CNKSR2: variants seen among roughly 807,000 people sequenced by gnomAD.
CNKSR2 encodes the protein CNK homolog protein 2.
A neutral mutation model predicts 84.4 loss-of-function variants in CNKSR2; 14 were observed. The ratio of observed to expected loss-of-function variants is 0.17; its 90% CI spans 0.11 to 0.26. The LOEUF is 0.26. CNKSR2 is among the 10% of genes least tolerant of loss of function. CNKSR2 has a pLI of 1.00. For synonymous variants in CNKSR2, 275 were observed against 277.9 expected (o/e 0.99, Z 0.10); for missense variants, 485 against 771.2 (o/e 0.63, Z 4.40).
chrX:21,536,444 T>C (rs1257905693), intron 11 of CNKSR2, among the ~76,000 whole-genome samples: 2 of 111,284 alleles, frequency 1.8e-5, no homozygotes, highest in Non-Finnish European at 3.8e-5. Flanking sequence ...GTATAAGTTA[T>C]TCTTTAAAAG....
intron 5 of CNKSR2, among the ~76,000 whole-genome samples, chrX:21,478,856 A>G (rs1211943314): frequency 8.9e-6 from 1 of 111,792 alleles, no homozygotes; most frequent in African/African-American, 3.3e-5. Context: ...TAAAGCGATA[A>G]ATTGAAGAAC....
intron 13 of CNKSR2, among the ~76,000 whole-genome samples, chrX:21,583,931 A>C (rs1324891530): frequency 8.9e-6 from 1 of 111,992 alleles, no homozygotes; most frequent in Non-Finnish European, 1.9e-5. Context: ...GCCAAACAGA[A>C]TACTGTTGCA....
At chrX:21,387,876 A>G (rs2089992692) in intron 1 of CNKSR2, among the ~76,000 whole-genome samples, 1 of 111,731 alleles carries the variant, frequency 9.0e-6, no homozygotes, top group Non-Finnish European at 1.9e-5. Context: ...TGACTATACA[A>G]GAAGAAAATA....
intron 7 of CNKSR2, among the ~76,000 whole-genome samples, chrX:21,498,511 C>A (rs190082982): frequency 2.7e-4 from 30 of 112,077 alleles, no homozygotes; most frequent in African/African-American, 7.8e-4. Context: ...ATCTTAATGG[C>A]AGTGTAATTT....
intron 8 of CNKSR2, chrX:21,504,990 C>G (rs918104697): frequency 3.6e-6 from 1 of 279,398 alleles, no homozygotes; most frequent in African/African-American, 2.8e-5. Flanking sequence ...CTACATCCCT[C>G]TCTCTGGGAG....
At chrX:21,390,500 G>A (rs1223520894) in intron 1 of CNKSR2, among the ~76,000 whole-genome samples, 1 of 111,027 alleles carries the variant, frequency 9.0e-6, no homozygotes, top group Non-Finnish European at 1.9e-5. Context: ...AGAGCAAAGG[G>A]AAAGGTGCCA....
At chrX:21,620,214 T>A (rs1297179915) in intron 20 of CNKSR2, among the ~76,000 whole-genome samples, 3 of 111,304 alleles carry the variant, frequency 2.7e-5, no homozygotes, top group Non-Finnish European at 5.7e-5. Flanking sequence ...TAAGCATCTT[T>A]TTTTAATGTG....
chrX:21,524,514 AT>A (rs1224309277), intron 9 of CNKSR2, among the ~76,000 whole-genome samples: 6 of 111,043 alleles, frequency 5.4e-5, no homozygotes, highest in African/African-American at 2.0e-4. Context: ...TAATAATTAC[AT>A]TTCTTGGAAG....
intron 13 of CNKSR2, among the ~76,000 whole-genome samples, chrX:21,564,613 C>A (rs1391489341): frequency 4.5e-5 from 5 of 111,170 alleles, no homozygotes; most frequent in Admixed American, 2.9e-4. Context: ...TTTAATCTGC[C>A]CCTGCTGTAG....
At chrX:21,490,333 G>A (rs1472779834) in intron 5 of CNKSR2, 126 bp from the exon 6 acceptor site, 2 of 630,319 alleles carry the variant, frequency 3.2e-6, no homozygotes, top group Non-Finnish European at 4.7e-6. Flanking sequence ...AGATTTTACA[G>A]AATAAAATGC....
At chrX:21,516,686 A>C in intron 9 of CNKSR2, 55 bp downstream of exon 9, 177 of 1,037,123 alleles carry the variant, frequency 1.7e-4, no homozygotes, top group Non-Finnish European at 2.2e-4. Context: ...AGATTATCTC[A>C]GTAATGCTTC....
rs3217648 is a variant in CNKSR2, at chrX:21,374,594, G to GGCAGCAGCAGCAGCA, written c.-280_-266dup. 553 of 456,164 alleles carry GGCAGCAGCAGCAGCA rather than the reference G, an allele frequency of 1.2e-3. 31 individuals carry two copies. Among genetic ancestry groups the GGCAGCAGCAGCAGCA allele is most frequent in the Middle Eastern group, 4.7e-3 (8 of 1,699 alleles). 37.6% of individuals were successfully genotyped at this position (456,164 alleles called of 1,213,427 possible). ...ACGGAGACCGGAGCGGAGCGGCGGAGGCAGCAGCAGCAGCAGCAGCAGCAG... is the reference window on the plus strand; with the variant it reads ...ACGGAGACCGGAGCGGAGCGGCGGAGGCAGCAGCAGCAGCAGCAGCAGCAGCAGCAGCAGCAGCAG... On this transcript the variant is annotated 5_prime_UTR_variant, in exon 1 of 22. Coordinates refer to ENST00000379510, the MANE Select transcript of CNKSR2 (RefSeq NM_014927.5).
intron 1 of CNKSR2, among the ~76,000 whole-genome samples, chrX:21,398,315 C>T (rs746316511): frequency 1.8e-5 from 2 of 111,740 alleles, no homozygotes; most frequent in Non-Finnish European, 3.8e-5. Context: ...TGTGTGCTGT[C>T]AAGTATTCAA....
At chrX:21,385,957 T>C (rs1333061553) in intron 1 of CNKSR2, among the ~76,000 whole-genome samples, 1 of 105,176 alleles carries the variant, frequency 9.5e-6, no homozygotes, top group Non-Finnish European at 2.0e-5. Flanking sequence ...TGGTGACAGC[T>C]TTTGTATTTT....
At chrX:21,384,482 G>A (rs917016937) in intron 1 of CNKSR2, among the ~76,000 whole-genome samples, 1 of 111,818 alleles carries the variant, frequency 8.9e-6, no homozygotes, top group Non-Finnish European at 1.9e-5. Flanking sequence ...TCTTTCCAGT[G>A]GCCCTAGACA....
chrX:21,593,223 T>C (rs1297638455), intron 15 of CNKSR2: 1 of 111,594 alleles, frequency 9.0e-6, no homozygotes, highest in Non-Finnish European at 1.9e-5. Context: ...GAAATTAAAG[T>C]TGGGAAAAGG....
chrX:21,609,020 G>A, intron 19 of CNKSR2, 51 bp from the exon 20 acceptor site: 1 of 1,152,446 alleles, frequency 8.7e-7, no homozygotes, highest in African/African-American at 1.8e-5. Context: ...TCCTTGGAAT[G>A]GAAGTGGTCT....
At chrX:21,580,243 A>T (rs916711945) in intron 13 of CNKSR2, among the ~76,000 whole-genome samples, 18 of 111,951 alleles carry the variant, frequency 1.6e-4, no homozygotes, top group Non-Finnish European at 3.0e-4. Flanking sequence ...ACTTTTTAAA[A>T]TTCTATTTTT....
chrX:21,399,752 C>T lies in CNKSR2; in HGVS notation c.64+24791C>T, dbSNP rs140371443. Among the ~76,000 whole-genome samples the T allele has an allele frequency of 2.3e-3, 253 of 111,363 alleles. 2 individuals are homozygous for T. In the South Asian group the frequency reaches 0.045, roughly 20 times the overall value. Reference sequence around the variant, plus strand: ...CCGTGACTATTGTATAACTAACTACCACCAGCATACATCGTCACTACATTA... The same window carrying T: ...CCGTGACTATTGTATAACTAACTACTACCAGCATACATCGTCACTACATTA... On this transcript the variant is annotated intron_variant, in intron 1 of 21. Coordinates refer to ENST00000379510, the MANE Select transcript of CNKSR2 (RefSeq NM_014927.5).
Sources: allele counts gnomAD v4.1 joint callset (sites outside exome capture counted in the v4.1 genomes callset), GRCh38; gene constraint gnomAD v4.1.1; transcripts MANE v1.5; gene names NCBI Gene and HGNC (gene_info 2026-07-23, HGNC 2026-07-21).